SLC25A26: variants seen among roughly 807,000 people sequenced by gnomAD.
SLC25A26 encodes the protein mitochondrial S-adenosylmethionine carrier protein.
A neutral mutation model predicts 37.8 loss-of-function variants in SLC25A26; 36 were observed. The observed-to-expected ratio is 0.95, with a 90% CI of 0.73 to 1.26. The LOEUF (loss-of-function observed/expected upper bound fraction) is 1.26. Ranked by LOEUF, SLC25A26 falls within the 50% of genes most tolerant of loss-of-function variation. SLC25A26 has a pLI of 0.00. For synonymous variants in SLC25A26, 129 were observed against 122.5 expected, an observed-to-expected ratio of 1.05 and a Z score of -0.35; for missense variants, 390 against 331.1, an observed-to-expected ratio of 1.18 and a Z score of -1.38.
chr3:66,294,402 A>G (rs2074825964), intron 5 of SLC25A26, among the ~76,000 whole-genome samples: 1 of 152,140 alleles, frequency 6.6e-6, no homozygotes, highest in Non-Finnish European at 1.5e-5. Context: ...GTTTATCAGC[A>G]TAAGGAGCTT....
chr3:66,156,715 A>G (rs2070287617), intron 1 of SLC25A26, among the ~76,000 whole-genome samples: 1 of 151,992 alleles, frequency 6.6e-6, no homozygotes, highest in Non-Finnish European at 1.5e-5. Flanking sequence ...TTTGGAACCT[A>G]TCAAAAAAGC....
intron 1 of SLC25A26, among the ~76,000 whole-genome samples, chr3:66,235,496 T>G (rs2072233717): frequency 6.6e-6 from 1 of 152,186 alleles, no homozygotes; most frequent in Non-Finnish European, 1.5e-5. Context: ...ATTTAAAAAT[T>G]ATCAAGGAAT....
chr3:66,326,986 A>G (rs1372124938), intron 5 of SLC25A26, among the ~76,000 whole-genome samples: 1 of 152,166 alleles, frequency 6.6e-6, no homozygotes, highest in Non-Finnish European at 1.5e-5. Context: ...AGAGACTCTC[A>G]TGTTTAAAAA....
At chr3:66,299,257 T>A (rs2075000224) in intron 5 of SLC25A26, among the ~76,000 whole-genome samples, 1 of 152,134 alleles carries the variant, frequency 6.6e-6, no homozygotes, top group Non-Finnish European at 1.5e-5. Context: ...AGTGGCACAG[T>A]CTCGACTCAC....
intron 1 of SLC25A26, among the ~76,000 whole-genome samples, chr3:66,199,972 C>G (rs2071088628): frequency 6.6e-6 from 1 of 152,160 alleles, no homozygotes. Context: ...CTAGTTTCAT[C>G]TAGATCTTTT....
intron 1 of SLC25A26, among the ~76,000 whole-genome samples, chr3:66,144,169 C>G (rs1158160771): frequency 6.6e-6 from 1 of 151,910 alleles, no homozygotes; most frequent in Non-Finnish European, 1.5e-5. Flanking sequence ...AACAAGGAAC[C>G]AACTGTATCA....
At chr3:66,167,409 A>G (rs1304355329) in intron 1 of SLC25A26, among the ~76,000 whole-genome samples, 1 of 152,228 alleles carries the variant, frequency 6.6e-6, no homozygotes, top group Non-Finnish European at 1.5e-5. Context: ...AAGGAACAAT[A>G]GAGAATGAGA....
rs193116318 is a variant in SLC25A26 at position 66,266,236 on chromosome 3, T to C, written c.453+2857T>C. Among the ~76,000 whole-genome samples the C allele has an allele frequency of 2.2e-3, 339 of 152,356 alleles. 1 individual carries two copies. In the Middle Eastern group the frequency reaches 0.031, roughly 14 times the overall value. ...TGTGATAGAATGAGAGAAGAATTAT[T>C]GCCGAATGAAACATAGCTTCTTCTC... On this transcript the variant is annotated intron_variant, in intron 5 of 9. Coordinates refer to ENST00000354883, the MANE Select transcript of SLC25A26 (RefSeq NM_001379210.1).
chr3:66,256,503 A>G (rs1264306076), intron 3 of SLC25A26, among the ~76,000 whole-genome samples: 1 of 152,220 alleles, frequency 6.6e-6, no homozygotes, highest in Non-Finnish European at 1.5e-5. Flanking sequence ...TTTAGAAAAT[A>G]TAGGTAGGTA....
intron 1 of SLC25A26, among the ~76,000 whole-genome samples, chr3:66,198,383 A>C (rs957354069): frequency 1.7e-3 from 254 of 152,132 alleles, no homozygotes; most frequent in African/African-American, 5.2e-3. Context: ...AGTGAATGTC[A>C]GGGACATAGT....
At chr3:66,318,429 C>T (rs1012646181) in intron 5 of SLC25A26, among the ~76,000 whole-genome samples, 1 of 152,126 alleles carries the variant, frequency 6.6e-6, no homozygotes, top group East Asian at 1.9e-4. Context: ...GCCCCCTTTC[C>T]CCCTGCCGCC....
At chr3:66,187,734 A>C (rs909498289) in intron 1 of SLC25A26, among the ~76,000 whole-genome samples, 2 of 145,172 alleles carry the variant, frequency 1.4e-5, no homozygotes, top group Non-Finnish European at 3.0e-5. Flanking sequence ...CCACACCCTG[A>C]CCAACACCTT....
At chr3:66,214,037 C>T (rs1001298932) in intron 1 of SLC25A26, among the ~76,000 whole-genome samples, 18 of 152,182 alleles carry the variant, frequency 1.2e-4, no homozygotes, top group South Asian at 6.2e-4. Context: ...TCAGAGTTTA[C>T]GGTTTGATAT....
Position 66,356,031 on chromosome 3 carries a change from G to T in SLC25A26, c.499-6829G>T, listed in dbSNP as rs1198533861. 8.8e-6 allele frequency: 4 copies of T among 456,076 alleles called. No homozygotes were observed. The Admixed American group carries it at 9.4e-5, about 11-fold the overall frequency. The allele number at this position is 456,076 out of a possible 1,614,324, so 28.3% of individuals were successfully genotyped here. On this transcript the variant is annotated intron_variant, in intron 6 of 9. Coordinates refer to ENST00000354883, the MANE Select transcript of SLC25A26 (RefSeq NM_001379210.1). ...ATAGTAAAATATCATCATCTTGTAGGGTTGGAAGCCATATAACTGCTTTTG... is the reference window on the plus strand; with the variant it reads ...ATAGTAAAATATCATCATCTTGTAGTGTTGGAAGCCATATAACTGCTTTTG...
At chr3:66,248,931 A>G (rs149333638) in intron 3 of SLC25A26, among the ~76,000 whole-genome samples, 3 of 152,262 alleles carry the variant, frequency 2.0e-5, no homozygotes, top group East Asian at 3.9e-4. Flanking sequence ...TGATTGTGCA[A>G]CTCACCAATA....
At chr3:66,239,264 CTT>C (rs555707985) in intron 2 of SLC25A26, among the ~76,000 whole-genome samples, 16 of 143,002 alleles carry the variant, frequency 1.1e-4, no homozygotes, top group Non-Finnish European at 1.4e-4. Flanking sequence ...CATCCCCAAC[CTT>C]TTTTTTTTTT....
intron 5 of SLC25A26, among the ~76,000 whole-genome samples, chr3:66,286,342 C>T (rs1342270613): frequency 6.6e-6 from 1 of 152,104 alleles, no homozygotes; most frequent in Non-Finnish European, 1.5e-5. Context: ...ACATTTACAT[C>T]TATAATCCAT....
chr3:66,353,929 T>A (rs1376970860), intron 6 of SLC25A26, among the ~76,000 whole-genome samples: 1 of 152,260 alleles, frequency 6.6e-6, no homozygotes, highest in Non-Finnish European at 1.5e-5. Flanking sequence ...AGCAGGTGTT[T>A]ATGTAACTAT....
chr3:66,203,478 T>C (rs2106817302), intron 1 of SLC25A26, among the ~76,000 whole-genome samples: 1 of 152,278 alleles, frequency 6.6e-6, no homozygotes, highest in African/African-American at 2.4e-5. Flanking sequence ...AACTGCTGAC[T>C]AAATATAATT....
Sources: allele counts gnomAD v4.1 joint callset (sites outside exome capture counted in the v4.1 genomes callset), GRCh38; gene constraint gnomAD v4.1.1; transcripts MANE v1.5; gene names NCBI Gene and HGNC (gene_info 2026-07-23, HGNC 2026-07-21).